Variants in SDHA observed in about 807,000 individuals in gnomAD.
SDHA encodes succinate dehydrogenase [ubiquinone] flavoprotein subunit, mitochondrial.
In SDHA, 48 loss-of-function variants were observed where a neutral mutation model predicts 78.4. That is an observed-to-expected ratio of 0.61 (90% CI 0.49 to 0.78). SDHA has a LOEUF of 0.78. Ranked by LOEUF, SDHA falls within the 30% of genes least tolerant of loss-of-function variation. The pLI is 0.00. For synonymous variants in SDHA, 326 were observed against 353.9 expected, an observed-to-expected ratio of 0.92 and a Z score of 0.88; for missense variants, 680 against 892.7, an observed-to-expected ratio of 0.76 and a Z score of 3.04.
At chr5:247,495 G>A (rs193007310) in intron 11 of SDHA, among the ~76,000 whole-genome samples, 96 of 152,302 alleles carry the variant, frequency 6.3e-4, no homozygotes, top group Admixed American at 2.1e-3. Context: ...GGTCTCAAAC[G>A]CAGATACAGC....
intron 10 of SDHA, among the ~76,000 whole-genome samples, chr5:236,840 C>T (rs1579410695): frequency 6.6e-6 from 1 of 151,692 alleles, no homozygotes; most frequent in African/African-American, 2.4e-5. Flanking sequence ...TTTGTAGAGA[C>T]AGGGTCTCAC....
At chr5:244,827 A>G (rs1476372559) in intron 11 of SDHA, among the ~76,000 whole-genome samples, 1 of 152,214 alleles carries the variant, frequency 6.6e-6, no homozygotes, top group Non-Finnish European at 1.5e-5. Context: ...ATTTATTACA[A>G]CGATGGGGAG....
Position 226,076 on chromosome 5 carries a change from G to C in SDHA, c.621+29G>C, listed in dbSNP as rs770937658. The C allele has an allele frequency of 2.2e-5, 36 of 1,613,076 alleles. No individual in the cohort carries two copies. In the South Asian group the frequency reaches 3.8e-4, roughly 17 times the overall value. On this transcript the variant is annotated intron_variant, in intron 5 of 14. Coordinates refer to ENST00000264932, the MANE Select transcript of SDHA (RefSeq NM_004168.4). ...AGGCCGCCCCCGTCCACCTGAGACA[G>C]GACACGTAGTGCTGGGGCTTATGGT...
rs146960977 is a variant in SDHA, at chr5:249,013, C to T, written c.1552-1979C>T. On this transcript the variant is annotated intron_variant, in intron 11 of 14. Coordinates refer to ENST00000264932, the MANE Select transcript of SDHA (RefSeq NM_004168.4). The stretch of plus-strand genomic sequence containing the variant: ...AATTTGGGAAAGAATAAAAAAGCAT[C>T]TAGAAGGACACCGTACAAACTTGTC... 1,569 of 395,260 alleles carry T rather than the reference C, an allele frequency of 4.0e-3. 15 individuals carry two copies. The highest frequency in any genetic ancestry group is 0.025 in the African/African-American group (1,167 of 46,320). The allele number at this position is 395,260 out of a possible 1,614,324, so 24.5% of individuals were successfully genotyped here.
intron 14 of SDHA, among the ~76,000 whole-genome samples, chr5:255,171 A>AGCGTCCTGGGAACAGCCAGCCGAGGAT (rs1554002674): frequency 5.5e-4 from 83 of 151,040 alleles, no homozygotes; most frequent in African/African-American, 1.4e-3. Flanking sequence ...ACACAAGCAC[A>AGCGTCCTGGGAACAGCCAGCCGAGGAT]GTTCACCTGT....
chr5:239,612 CCAAAT>C (rs1736015768), intron 10 of SDHA, among the ~76,000 whole-genome samples: 1 of 151,938 alleles, frequency 6.6e-6, no homozygotes, highest in Non-Finnish European at 1.5e-5. Context: ...ACATAAGAGT[CCAAAT>C]CAACAGGTGA....
intron 11 of SDHA, among the ~76,000 whole-genome samples, chr5:244,390 T>G (rs187348658): frequency 0.034 from 5,108 of 149,386 alleles, no homozygotes; most frequent in Middle Eastern, 0.049. Context: ...GAAATTCAAA[T>G]TGTTACATCT....
In SDHA at chr5:250,629, G is replaced by A. The variant is rs1402948478; in HGVS notation, c.1552-363G>A. 7.1e-5 allele frequency: 25 copies of A among 353,246 alleles called. 1 individual carries two copies. Among genetic ancestry groups the A allele is most frequent in the South Asian group, 3.6e-4 (16 of 44,880 alleles). 21.9% of individuals were successfully genotyped at this position (353,246 alleles called of 1,614,324 possible). On this transcript the variant is annotated intron_variant, in intron 11 of 14. Coordinates refer to ENST00000264932, the MANE Select transcript of SDHA (RefSeq NM_004168.4). Reference sequence around the variant, plus strand: ...TGTCACGTTCACCACCAGACCCCGCGTCAGGAGTCCCGCCAGGGGTGTGGA... The same window carrying A: ...TGTCACGTTCACCACCAGACCCCGCATCAGGAGTCCCGCCAGGGGTGTGGA...
Position 236,497 on chromosome 5 carries a change from G to A in SDHA, c.1330G>A (p.Ala444Thr). The change falls in exon 10 of 15, where the codon GCC (alanine) becomes ACC (threonine). Residue 444 changes from alanine (A) to threonine (T), a missense_variant. Coordinates refer to ENST00000264932, the MANE Select transcript of SDHA (RefSeq NM_004168.4). ...GTACGCCTGTGGGGAGGCCGCCTGT[G>A]CCTCGGTACATGGTGCCAACCGCCT... ...GLYACGEAAC[A>T]SVHGANRLGA... 6.2e-7 allele frequency: 1 copy of A among 1,614,012 alleles called. No individual in the cohort carries two copies. The highest frequency in any genetic ancestry group is 8.5e-7 in the Non-Finnish European group (1 of 1,179,860).
In SDHA at chr5:228,278, A is replaced by T. The variant is rs760106352; in HGVS notation, c.715A>T (p.Ile239Leu). 3 of 1,613,948 alleles carry T rather than the reference A, an allele frequency of 1.9e-6. No individual in the cohort carries two copies. In the South Asian group the frequency reaches 3.3e-5, roughly 18 times the overall value. ...GECRGVIALC[I>L]EDGSIHRIRA... ...GTGCCGTGGTGTCATCGCACTGTGC[A>T]TAGAGGACGGGTCCATCCATCGCAT... Residue 239 changes from isoleucine to leucine, a missense_variant, in exon 6 of 15, where the codon ATA becomes TTA. Transcript: ENST00000264932.
At chr5:245,947 T>G (rs1330105571) in intron 11 of SDHA, among the ~76,000 whole-genome samples, 2 of 152,242 alleles carry the variant, frequency 1.3e-5, no homozygotes, top group East Asian at 3.9e-4. Context: ...TCACTAGCCC[T>G]CGGCTATGCC....
intron 1 of SDHA, among the ~76,000 whole-genome samples, chr5:221,380 C>G (rs912283595): frequency 6.6e-6 from 1 of 152,216 alleles, no homozygotes; most frequent in African/African-American, 2.4e-5. Context: ...GCTTCCGCTT[C>G]TTCCTGATAC....
intron 11 of SDHA, among the ~76,000 whole-genome samples, chr5:241,989 G>C (rs1325233880): frequency 6.6e-6 from 1 of 152,228 alleles, no homozygotes. Flanking sequence ...CCATGAGATA[G>C]TTTAAAGTGA....
At chr5:235,487 T>C in intron 9 of SDHA, 148 bp downstream of exon 9, 1 of 815,786 alleles carries the variant, frequency 1.2e-6, no homozygotes, top group East Asian at 2.7e-5. Context: ...ACTTTAAATT[T>C]CTATTACCGG....
chr5:230,890 C>G lies in SDHA; in HGVS notation c.785C>G (p.Thr262Ser). The stretch of plus-strand genomic sequence containing the variant: ...ATTGTTTCCAGAGGCTACGGGCGCA[C>G]CTACTTCAGCTGCACGTCTGCCCAC... ...TVVATGGYGR[T>S]YFSCTSAHTS... The change falls in exon 7 of 15, where the codon ACC (threonine) becomes AGC (serine). Residue 262 changes from threonine to serine, a missense_variant. Transcript: ENST00000264932. 1 of 1,614,012 alleles carries G rather than the reference C, an allele frequency of 6.2e-7. No individual in the cohort carries two copies. Among genetic ancestry groups the G allele is most frequent in the Non-Finnish European group, 8.5e-7 (1 of 1,179,938 alleles).
rs1737210166 is a variant in SDHA, at chr5:256,556, C to T, written c.*136C>T. ...GGAGTACATTGAAGGGAGATTGGCA[C>T]CTAGTGGCTGGGAGCTTGCCAGGAA... On this transcript the variant is annotated 3_prime_UTR_variant, in exon 15 of 15. Coordinates refer to ENST00000264932, the MANE Select transcript of SDHA (RefSeq NM_004168.4). 2.5e-6 allele frequency: 2 copies of T among 798,004 alleles called. No homozygotes were observed. The highest frequency in any genetic ancestry group is 4.3e-6 in the Non-Finnish European group (2 of 462,236). 49.4% of individuals were successfully genotyped at this position (798,004 alleles called of 1,614,324 possible).
chr5:268,056 T>TA, the SDHA span, among the ~76,000 whole-genome samples: 1 of 152,166 alleles, frequency 6.6e-6, no homozygotes, highest in Non-Finnish European at 1.5e-5. Flanking sequence ...AGAGGTTTCT[T>TA]AGAGGTCAGG....
At chr5:263,018 C>T in the SDHA span, among the ~76,000 whole-genome samples, 3 of 152,154 alleles carry the variant, frequency 2.0e-5, no homozygotes, top group Non-Finnish European at 2.9e-5. Context: ...CGGCTCACTG[C>T]AACCTCCACC....
rs1553999703 is a variant in SDHA, at chr5:236,424, A to G, written c.1261-4A>G. 1 of 1,613,450 alleles carries G rather than the reference A, an allele frequency of 6.2e-7. No homozygotes were observed. On this transcript the variant is annotated splice_region_variant and splice_polypyrimidine_tract_variant and intron_variant, in intron 9 of 14. Transcript: ENST00000264932. The stretch of plus-strand genomic sequence containing the variant: ...CATTTCACCTGAAATCTTCCTTTCC[A>G]CAGGTCCTGAGGCACGTGAATGGCC...
Sources: allele counts gnomAD v4.1 joint callset (sites outside exome capture counted in the v4.1 genomes callset), GRCh38; gene constraint gnomAD v4.1.1; transcripts MANE v1.5; gene names NCBI Gene and HGNC (gene_info 2026-07-23, HGNC 2026-07-21).